APP: variants seen among roughly 807,000 people sequenced by gnomAD.
The protein encoded by APP is amyloid-beta precursor protein.
APP carries 31 observed loss-of-function variants against 101.4 expected under a neutral mutation model. The ratio of observed to expected loss-of-function variants is 0.31; its 90% CI spans 0.23 to 0.41. APP has a LOEUF of 0.41. Among genes scored for constraint, APP ranks in the 10% least tolerant of loss-of-function variants. APP has a pLI of 1.00. For synonymous variants in APP, 366 were observed against 364.4 expected (o/e 1.00, Z -0.05); for missense variants, 839 against 1,003.7 (o/e 0.84, Z 2.22).
At chr21:26,100,190 T>C (rs2146155481) in intron 2 of APP, among the ~76,000 whole-genome samples, 1 of 149,874 alleles carries the variant, frequency 6.7e-6, no homozygotes, top group Non-Finnish European at 1.5e-5. Flanking sequence ...AATTTTCTTA[T>C]TTTAAAATAT....
At chr21:26,150,704 C>A (rs1273003730) in intron 1 of APP, among the ~76,000 whole-genome samples, 1 of 152,216 alleles carries the variant, frequency 6.6e-6, no homozygotes. Flanking sequence ...GATCAGGAAG[C>A]TGGCCTCTTT....
intron 17 of APP, among the ~76,000 whole-genome samples, chr21:25,887,541 C>T (rs941574139): frequency 1.1e-5 from 1 of 94,158 alleles, no homozygotes; most frequent in Non-Finnish European, 2.1e-5. Context: ...AAAAAAAAAA[C>T]AACAACTAGC....
chr21:26,129,113 T>A (rs1445402145), intron 1 of APP, among the ~76,000 whole-genome samples: 1 of 152,176 alleles, frequency 6.6e-6, no homozygotes, highest in Admixed American at 6.5e-5. Context: ...AAGCAAATCA[T>A]GAGCATTCAG....
intron 1 of APP, among the ~76,000 whole-genome samples, chr21:26,124,359 C>G (rs1447478259): frequency 6.6e-6 from 1 of 152,166 alleles, no homozygotes; most frequent in Non-Finnish European, 1.5e-5. Context: ...CTTCAGGCTC[C>G]TCCTAGAAAA....
In APP at chr21:25,903,212, C is replaced by A. The variant is rs571180946; in HGVS notation, c.1963+1812G>T. 2.6e-3 allele frequency among the ~76,000 whole-genome samples: 390 copies of A among 151,230 alleles called. 1 individual carries two copies. Among genetic ancestry groups the A allele is most frequent in the Non-Finnish European group, 2.6e-3 (179 of 67,734 alleles). On this transcript the variant is annotated intron_variant, in intron 15 of 17. Transcript: ENST00000346798. Reference sequence around the variant, plus strand: ...TGAAATCCCGTCTCTACTGAAAATACAAAAAAATTAGCTGGGCATGGTGGG... The same window carrying A: ...TGAAATCCCGTCTCTACTGAAAATAAAAAAAAATTAGCTGGGCATGGTGGG...
At chr21:26,016,631 G>C (rs1176590377) in intron 6 of APP, among the ~76,000 whole-genome samples, 1 of 152,028 alleles carries the variant, frequency 6.6e-6, no homozygotes, top group African/African-American at 2.4e-5. Flanking sequence ...GAGTGCAGTG[G>C]CACAATCTCA....
intron 1 of APP, among the ~76,000 whole-genome samples, chr21:26,141,344 C>T (rs1191207418): frequency 2.0e-5 from 3 of 152,100 alleles, no homozygotes; most frequent in Non-Finnish European, 2.9e-5. Context: ...TGATTTTTCC[C>T]TACAGTTTGG....
intron 8 of APP, 57 bp downstream of exon 8, chr21:25,997,303 T>G (rs2043092358): frequency 6.6e-7 from 1 of 1,514,308 alleles, no homozygotes; most frequent in African/African-American, 1.4e-5. Flanking sequence ...TGGAGTTATG[T>G]GAACCAAGCA....
At chr21:26,000,843 A>G (rs982429725) in intron 6 of APP, among the ~76,000 whole-genome samples, 1 of 151,526 alleles carries the variant, frequency 6.6e-6, no homozygotes, top group Non-Finnish European at 1.5e-5. Context: ...TTTTATTTGT[A>G]TATTAAAATA....
At chr21:25,896,551 A>G (rs1369348165) in intron 16 of APP, among the ~76,000 whole-genome samples, 1 of 152,094 alleles carries the variant, frequency 6.6e-6, no homozygotes, top group Non-Finnish European at 1.5e-5. Context: ...CATTAATTTA[A>G]CCCTCTTACT....
chr21:25,948,923 C>G (rs216776), intron 13 of APP, among the ~76,000 whole-genome samples: 3 of 152,094 alleles, frequency 2.0e-5, no homozygotes, highest in African/African-American at 7.2e-5. Flanking sequence ...AATATGAACA[C>G]TGAAGAGGAG....
chr21:26,101,224 G>T (rs763569040), intron 2 of APP, among the ~76,000 whole-genome samples: 1 of 147,272 alleles, frequency 6.8e-6, no homozygotes, highest in Non-Finnish European at 1.5e-5. Flanking sequence ...TCAGTCTCCC[G>T]AGTAGCTGGG....
At chr21:26,164,169 T>C (rs2063557743) in intron 1 of APP, among the ~76,000 whole-genome samples, 2 of 152,090 alleles carry the variant, frequency 1.3e-5, no homozygotes, top group African/African-American at 4.8e-5. Context: ...CGCTTGAACC[T>C]GAGAGGCGGA....
chr21:25,996,580 C>T (rs45464095), intron 8 of APP, among the ~76,000 whole-genome samples: 1 of 152,128 alleles, frequency 6.6e-6, no homozygotes, highest in African/African-American at 2.4e-5. Flanking sequence ...CTCTTTCTTC[C>T]CACCAGGCAC....
chr21:26,124,776 A>G (rs114736067), intron 1 of APP, among the ~76,000 whole-genome samples: 176 of 152,366 alleles, frequency 1.2e-3, no homozygotes, highest in African/African-American at 3.5e-3. Flanking sequence ...CTCTACACAG[A>G]TAAGATTTCA....
intron 1 of APP, among the ~76,000 whole-genome samples, chr21:26,114,472 A>T (rs1430830868): frequency 6.6e-6 from 1 of 152,202 alleles, no homozygotes; most frequent in Non-Finnish European, 1.5e-5. Flanking sequence ...CTCTTTTAAA[A>T]ACAAACCCTT....
intron 6 of APP, among the ~76,000 whole-genome samples, chr21:26,007,394 A>C (rs2043580246): frequency 6.8e-6 from 1 of 147,414 alleles, no homozygotes; most frequent in South Asian, 2.1e-4. Flanking sequence ...AATATATTAT[A>C]TAAAAACTTT....
At chr21:25,957,441 T>C (rs2041371887) in intron 11 of APP, among the ~76,000 whole-genome samples, 1 of 152,214 alleles carries the variant, frequency 6.6e-6, no homozygotes, top group African/African-American at 2.4e-5. Context: ...TGCAGAGTTG[T>C]GTGATCAGGA....
chr21:26,096,966 G>A (rs1174932628), intron 2 of APP, among the ~76,000 whole-genome samples: 1 of 152,100 alleles, frequency 6.6e-6, no homozygotes, highest in Non-Finnish European at 1.5e-5. Flanking sequence ...GATCTGACAG[G>A]GCCTGCCTGT....
Sources: gnomAD v4.1 joint callset for allele counts (sites outside exome capture counted in the v4.1 genomes callset) on GRCh38, gnomAD v4.1.1 for gene constraint, MANE v1.5 for transcripts, NCBI Gene and HGNC (gene_info 2026-07-23, HGNC 2026-07-21) for gene names.